NAALADL2: variants seen among roughly 807,000 people sequenced by gnomAD.
NAALADL2 encodes the protein inactive N-acetylated-alpha-linked acidic dipeptidase-like protein 2.
NAALADL2 carries 76 observed loss-of-function variants against 87.2 expected under a neutral mutation model. The ratio of observed to expected loss-of-function variants is 0.87; its 90% CI spans 0.72 to 1.05. NAALADL2 has a LOEUF of 1.05. Among genes scored for constraint, NAALADL2 ranks in the 50% least tolerant of loss-of-function variants. The pLI is 0.00. For missense variants in NAALADL2, 1,089 were observed against 945.8 expected (o/e 1.15, Z -1.99); for synonymous variants, 354 against 331.0 (o/e 1.07, Z -0.75).
intron 9 of NAALADL2, among the ~76,000 whole-genome samples, chr3:175,572,543 G>A (rs1718242755): frequency 6.6e-6 from 1 of 152,114 alleles, no homozygotes; most frequent in African/African-American, 2.4e-5. Flanking sequence ...TTGGGGGAGT[G>A]TAATCTTGAA....
chr3:175,660,967 A>C (rs1223704556), intron 11 of NAALADL2, among the ~76,000 whole-genome samples: 2 of 152,108 alleles, frequency 1.3e-5, no homozygotes, highest in East Asian at 3.9e-4. Flanking sequence ...ATGACGGTGC[A>C]GATATCCTTT....
chr3:175,800,088 G>C (rs1313107030), intron 13 of NAALADL2, among the ~76,000 whole-genome samples: 1 of 152,152 alleles, frequency 6.6e-6, no homozygotes, highest in Non-Finnish European at 1.5e-5. Context: ...GAGGCCTGGA[G>C]CAGTTGTGTG....
At chr3:175,645,116 A>ATATT (rs1553939689) in intron 11 of NAALADL2, among the ~76,000 whole-genome samples, 1 of 146,436 alleles carries the variant, frequency 6.8e-6, no homozygotes, top group African/African-American at 2.5e-5. Flanking sequence ...GCGAAGCTGT[A>ATATT]TTTTTTTTTT....
At chr3:175,640,013 T>C (rs1283042930) in intron 11 of NAALADL2, among the ~76,000 whole-genome samples, 1 of 152,328 alleles carries the variant, frequency 6.6e-6, no homozygotes, top group African/African-American at 2.4e-5. Flanking sequence ...TTGAAGAGAA[T>C]ATTAGAAAGC....
chr3:175,228,267 C>T (rs1233192861), intron 2 of NAALADL2, among the ~76,000 whole-genome samples: 1 of 151,858 alleles, frequency 6.6e-6, no homozygotes, highest in Non-Finnish European at 1.5e-5. Flanking sequence ...TTATGAAAGT[C>T]TGTGGAAGAA....
intron 1 of NAALADL2, among the ~76,000 whole-genome samples, chr3:174,942,297 G>A (rs1237705939): frequency 7.2e-5 from 11 of 152,234 alleles, no homozygotes; most frequent in African/African-American, 2.4e-4. Context: ...AGGAAGCTTA[G>A]TTTGGCTGGA....
intron 3 of NAALADL2, among the ~76,000 whole-genome samples, chr3:174,783,018 G>A (rs1716178608): frequency 6.6e-6 from 1 of 152,104 alleles, no homozygotes; most frequent in Non-Finnish European, 1.5e-5. Flanking sequence ...TCTCTTGGCT[G>A]TCTTTCTTCT....
chr3:175,490,258 C>T (rs571468640), intron 9 of NAALADL2, among the ~76,000 whole-genome samples: 1 of 152,164 alleles, frequency 6.6e-6, no homozygotes, highest in Admixed American at 6.5e-5. Context: ...TTGATGATAA[C>T]CTTTAAGTTG....
At chr3:175,698,473 G>GTATATATTTATATA (rs1315132432) in intron 11 of NAALADL2, among the ~76,000 whole-genome samples, 2 of 82,090 alleles carry the variant, frequency 2.4e-5, no homozygotes, top group African/African-American at 1.9e-4. Context: ...ATATATGTGT[G>GTATATATTTATATA]TATATATATT....
chr3:174,939,251 G>A (rs1299549796), intron 1 of NAALADL2, among the ~76,000 whole-genome samples: 1 of 151,776 alleles, frequency 6.6e-6, no homozygotes, highest in Non-Finnish European at 1.5e-5. Flanking sequence ...ACCATTTATT[G>A]GTTGAATAAA....
At chr3:174,583,259 T>A (rs1041677768) in intron 2 of NAALADL2, among the ~76,000 whole-genome samples, 1 of 152,222 alleles carries the variant, frequency 6.6e-6, no homozygotes, top group African/African-American at 2.4e-5. Context: ...CTTTTAAACA[T>A]GCTGCTCCCT....
At chr3:175,772,963 C>G (rs765605369) in intron 13 of NAALADL2, among the ~76,000 whole-genome samples, 14 of 152,040 alleles carry the variant, frequency 9.2e-5, no homozygotes, top group Non-Finnish European at 1.3e-4. Context: ...GAAATAGATA[C>G]AGAGAAATCG....
chr3:174,851,455 A>C (rs1024809083), intron 3 of NAALADL2, among the ~76,000 whole-genome samples: 2 of 152,064 alleles, frequency 1.3e-5, no homozygotes, highest in African/African-American at 4.8e-5. Context: ...TAAGAAATTC[A>C]AAAGATTGTT....
At chr3:174,969,956 T>G (rs1005893575) in intron 1 of NAALADL2, among the ~76,000 whole-genome samples, 1 of 152,258 alleles carries the variant, frequency 6.6e-6, no homozygotes, top group African/African-American at 2.4e-5. Context: ...TCATGTGTCT[T>G]GGATCAAAAC....
intron 2 of NAALADL2, among the ~76,000 whole-genome samples, chr3:174,724,279 T>C (rs1731980583): frequency 6.6e-6 from 1 of 152,162 alleles, no homozygotes; most frequent in African/African-American, 2.4e-5. Flanking sequence ...ATTTCTCAGT[T>C]TGGTTATAGA....
intron 1 of NAALADL2, among the ~76,000 whole-genome samples, chr3:174,889,345 C>T (rs534368269): frequency 1.3e-5 from 2 of 152,204 alleles, no homozygotes; most frequent in Non-Finnish European, 2.9e-5. Flanking sequence ...CTTTTAACTG[C>T]TTCTCTTTTC....
In NAALADL2 at chr3:175,069,249, C is replaced by T. The variant is rs1385865578; in HGVS notation, c.44-27541C>T. ...AACCTACAAAATGGGAGAAAATTTT[C>T]GCAACCTACTCATCTGACAAAGGGC... On this transcript the variant is annotated intron_variant, in intron 1 of 13. Transcript: ENST00000454872. Among the ~76,000 whole-genome samples, 380 of 149,392 alleles carry T rather than the reference C, an allele frequency of 2.5e-3. 3 individuals carry two copies. Among genetic ancestry groups the T allele is most frequent in the African/African-American group, 9.2e-3 (361 of 39,324 alleles).
chr3:174,461,987 G>A (rs1004327705), intron 1 of NAALADL2, among the ~76,000 whole-genome samples: 1 of 151,732 alleles, frequency 6.6e-6, no homozygotes, highest in African/African-American at 2.4e-5. Flanking sequence ...GTGTTCTTAT[G>A]GTTGTATTCT....
At position 175,471,618 on chromosome 3, in the gene NAALADL2, CT is replaced by C. The variant is rs35213579; in HGVS notation, c.1534-11del. The C allele has an allele frequency of 0.86, 1,054,117 of 1,231,716 alleles. 452,562 individuals carry two copies. Among genetic ancestry groups the C allele is most frequent in the East Asian group, 0.96 (38,687 of 40,136 alleles). The allele number at this position is 1,231,716 out of a possible 1,614,324, so 76.3% of individuals were successfully genotyped here. On this transcript the variant is annotated intron_variant, in intron 8 of 13. Transcript: ENST00000454872. ...TATTTATTTGTCTTACAGATAGATC[CT>C]TTTTTTTTTGTTATTTCAGGATTTC...
Sources: gnomAD v4.1 joint callset for allele counts (sites outside exome capture counted in the v4.1 genomes callset) on GRCh38, gnomAD v4.1.1 for gene constraint, MANE v1.5 for transcripts, NCBI Gene and HGNC (gene_info 2026-07-23, HGNC 2026-07-21) for gene names.